AGBL1: variants seen among roughly 807,000 people sequenced by gnomAD.
The protein encoded by AGBL1 is cytosolic carboxypeptidase 4.
Under a neutral mutation model 118.9 loss-of-function variants are expected in AGBL1, and 130 were observed. The observed-to-expected ratio is 1.09, with a 90% CI of 0.95 to 1.26. The LOEUF is 1.26. Ranked by LOEUF, AGBL1 falls within the 50% of genes most tolerant of loss-of-function variation. The pLI is 0.00. For missense variants in AGBL1, 1,584 were observed against 1,298.1 expected (o/e 1.22, Z -3.38); for synonymous variants, 555 against 478.9 (o/e 1.16, Z -2.08).
intron 23 of AGBL1, among the ~76,000 whole-genome samples, chr15:86,966,176 C>G (rs1168594048): frequency 6.6e-6 from 1 of 151,484 alleles, no homozygotes; most frequent in Non-Finnish European, 1.5e-5. Context: ...ATCAGGGACT[C>G]TGTAGTATTT....
chr15:86,674,199 C>A, intron 21 of AGBL1, 74 bp from the exon 22 acceptor site: 2 of 1,406,302 alleles, frequency 1.4e-6, no homozygotes, highest in Admixed American at 2.1e-5. Context: ...AGAAGTCCTT[C>A]TTCCTAATTT....
intron 24 of AGBL1, among the ~76,000 whole-genome samples, chr15:87,021,148 C>G (rs933390030): frequency 2.6e-5 from 4 of 152,104 alleles, no homozygotes; most frequent in African/African-American, 7.2e-5. Context: ...GGTAAAAGAA[C>G]AGACACATAG....
At chr15:86,157,444 G>A (rs1459925628) in intron 4 of AGBL1, among the ~76,000 whole-genome samples, 1 of 152,142 alleles carries the variant, frequency 6.6e-6, no homozygotes, top group Non-Finnish European at 1.5e-5. Flanking sequence ...TGAAAAACTT[G>A]CCTTCCTTAA....
intron 22 of AGBL1, among the ~76,000 whole-genome samples, chr15:86,771,141 G>T (rs1032277258): frequency 2.6e-5 from 4 of 151,980 alleles, no homozygotes; most frequent in African/African-American, 7.2e-5. Flanking sequence ...AAAAGATTAC[G>T]CACCGGACTT....
chr15:86,171,775 A>G (rs989903808), intron 5 of AGBL1, among the ~76,000 whole-genome samples: 3 of 152,206 alleles, frequency 2.0e-5, no homozygotes, highest in Non-Finnish European at 4.4e-5. Context: ...CAATTGCAAG[A>G]ATATAGAACC....
chr15:86,290,394 A>G, intron 16 of AGBL1, among the ~76,000 whole-genome samples: 1 of 144,594 alleles, frequency 6.9e-6, no homozygotes, highest in Non-Finnish European at 1.5e-5. Context: ...TCTGTCACCC[A>G]GGATGGAGTG....
intron 22 of AGBL1, among the ~76,000 whole-genome samples, chr15:86,872,697 A>G (rs958442723): frequency 2.0e-5 from 3 of 152,230 alleles, no homozygotes; most frequent in Non-Finnish European, 2.9e-5. Context: ...CAGAGGTTAC[A>G]GTGAGCTGAG....
At chr15:86,452,831 G>A (rs905821078) in intron 18 of AGBL1, among the ~76,000 whole-genome samples, 27 of 152,072 alleles carry the variant, frequency 1.8e-4, no homozygotes, top group Admixed American at 1.4e-3. Context: ...CAGTGTCCCC[G>A]AAAGTGACAA....
Position 86,156,755 on chromosome 15 carries a change from G to A in AGBL1, c.395-2178G>A, listed in dbSNP as rs577704465. On this transcript the variant is annotated intron_variant, in intron 4 of 22. Coordinates refer to ENST00000614907, the MANE Select transcript of AGBL1 (RefSeq NM_001386094.1). ...TAATTACCCCAAGAACTACTAAAAT[G>A]CCTGATTTTTTTTCTTTTCTTTCTT... is the stretch of plus-strand genomic sequence containing the variant. Among the ~76,000 whole-genome samples, 16 of 150,094 alleles carry A rather than the reference G, an allele frequency of 1.1e-4. No homozygotes were observed. The East Asian group carries it at 3.1e-3, about 29-fold the overall frequency.
At chr15:86,825,734 A>C (rs1391055799) in intron 22 of AGBL1, among the ~76,000 whole-genome samples, 2 of 151,210 alleles carry the variant, frequency 1.3e-5, no homozygotes, top group Non-Finnish European at 2.9e-5. Context: ...GGAGGGAGGT[A>C]GGGAAAGAAA....
intron 17 of AGBL1, among the ~76,000 whole-genome samples, chr15:86,364,998 C>CACACACAT (rs1555472717): frequency 8.3e-6 from 1 of 121,212 alleles, no homozygotes; most frequent in African/African-American, 3.4e-5. Context: ...TACACACACA[C>CACACACAT]ATATATATAT....
chr15:86,315,229 T>C (rs1746128337), intron 17 of AGBL1, among the ~76,000 whole-genome samples: 1 of 152,182 alleles, frequency 6.6e-6, no homozygotes, highest in African/African-American at 2.4e-5. Flanking sequence ...TACTGAAATG[T>C]AATGTCAAGA....
At position 86,264,315 on chromosome 15, in the gene AGBL1, C is replaced by A. The variant is rs1353393632; in HGVS notation, c.1144C>A (p.His382Asn). The change falls in exon 11 of 23, where the codon CAC becomes AAC. Residue 382 changes from histidine to asparagine, a missense_variant. Transcript: ENST00000614907. Reference sequence around the variant, plus strand: ...CTCTGAAAAGACTCAGTATGCCAATCACCACCACATTCCAGCCGCTGCCTC... The same window carrying A: ...CTCTGAAAAGACTCAGTATGCCAATAACCACCACATTCCAGCCGCTGCCTC... ...LNSEKTQYAN[H>N]HHIPAAASSK... 1 of 1,611,036 alleles carries A rather than the reference C, an allele frequency of 6.2e-7. No homozygotes were observed. The highest frequency in any genetic ancestry group is 8.5e-7 in the Non-Finnish European group (1 of 1,178,552).
intron 22 of AGBL1, among the ~76,000 whole-genome samples, chr15:86,753,414 T>TG (rs1275415049): frequency 7.4e-6 from 1 of 135,722 alleles, no homozygotes; most frequent in Non-Finnish European, 1.6e-5. Flanking sequence ...TTTTTTTTTT[T>TG]TGAGACAGAG....
At chr15:86,238,015 T>A (rs2078581263) in intron 6 of AGBL1, among the ~76,000 whole-genome samples, 1 of 152,198 alleles carries the variant, frequency 6.6e-6, no homozygotes, top group Non-Finnish European at 1.5e-5. Context: ...TATCCCCAGA[T>A]CTCTGCATCC....
At chr15:86,545,848 G>A (rs544296789) in intron 19 of AGBL1, among the ~76,000 whole-genome samples, 154 bp from the exon 20 acceptor site, 22 of 152,260 alleles carry the variant, frequency 1.4e-4, no homozygotes, top group African/African-American at 4.1e-4. Context: ...CCAGTGATCC[G>A]CACATGGCTG....
At chr15:86,273,212 C>T (rs2079189953) in intron 15 of AGBL1, among the ~76,000 whole-genome samples, 1 of 152,116 alleles carries the variant, frequency 6.6e-6, no homozygotes, top group African/African-American at 2.4e-5. Context: ...ACGTATTTCC[C>T]ACAAGAGGGA....
chr15:86,259,018 T>C (rs2078941535), intron 9 of AGBL1, among the ~76,000 whole-genome samples: 1 of 152,230 alleles, frequency 6.6e-6, no homozygotes, highest in Non-Finnish European at 1.5e-5. Flanking sequence ...AAGCAGTCTT[T>C]GTTTACAAAA....
At chr15:86,140,892 T>C (rs1169790132) in intron 1 of AGBL1, among the ~76,000 whole-genome samples, 1 of 152,130 alleles carries the variant, frequency 6.6e-6, no homozygotes, top group Admixed American at 6.5e-5. Flanking sequence ...GCTGAAGACA[T>C]AAGAAGGACA....
Sources: allele counts gnomAD v4.1 joint callset (sites outside exome capture counted in the v4.1 genomes callset), GRCh38; gene constraint gnomAD v4.1.1; transcripts MANE v1.5; gene names NCBI Gene and HGNC (gene_info 2026-07-23, HGNC 2026-07-21).